Variants in PRELID2 observed in about 807,000 individuals in gnomAD.
PRELID2 encodes PRELI domain-containing protein 2.
A neutral mutation model predicts 28.4 loss-of-function variants in PRELID2; 25 were observed. The observed-to-expected ratio is 0.88, with a 90% CI of 0.64 to 1.23. The LOEUF is 1.23. Among genes scored for constraint, PRELID2 ranks in the 50% most tolerant of loss-of-function variants. The pLI, the probability that PRELID2 is intolerant of heterozygous loss-of-function variation, is 0.00. For synonymous variants in PRELID2, 76 were observed against 71.6 expected, an observed-to-expected ratio of 1.06 and a Z score of -0.31; for missense variants, 201 against 214.4, an observed-to-expected ratio of 0.94 and a Z score of 0.39.
chr5:145,497,927 A>G (rs1752322368), intron 1 of PRELID2, among the ~76,000 whole-genome samples: 1 of 152,188 alleles, frequency 6.6e-6, no homozygotes, highest in African/African-American at 2.4e-5. Context: ...CCTGTTTCTA[A>G]AAGTTTTGGC....
the PRELID2 span, among the ~76,000 whole-genome samples, chr5:145,411,888 C>A: frequency 3.9e-3 from 601 of 152,288 alleles, 7 homozygotes; most frequent in African/African-American, 0.014. Flanking sequence ...GGCTCAATAC[C>A]ACGTGGAAGC....
chr5:145,307,628 T>C, the PRELID2 span, among the ~76,000 whole-genome samples: 1 of 152,096 alleles, frequency 6.6e-6, no homozygotes, highest in African/African-American at 2.4e-5. Flanking sequence ...ATGTGGCATT[T>C]AGTCATTTGA....
At chr5:145,664,094 T>C (rs1044157346) in intron 1 of PRELID2, among the ~76,000 whole-genome samples, 1 of 152,096 alleles carries the variant, frequency 6.6e-6, no homozygotes, top group African/African-American at 2.4e-5. Flanking sequence ...ATTTGTAAAA[T>C]GAAGGAAATA....
At chr5:145,727,823 T>G (rs190194337) in intron 1 of PRELID2, among the ~76,000 whole-genome samples, 16 of 152,190 alleles carry the variant, frequency 1.1e-4, no homozygotes, top group African/African-American at 3.9e-4. Context: ...CAGTTTGATT[T>G]TTATCAAAGG....
At chr5:145,392,300 C>T in the PRELID2 span, among the ~76,000 whole-genome samples, 2 of 152,082 alleles carry the variant, frequency 1.3e-5, no homozygotes, top group African/African-American at 4.8e-5. Context: ...GTCTTCTTCA[C>T]AAGGCAGCAG....
the PRELID2 span, among the ~76,000 whole-genome samples, chr5:145,386,771 C>A: frequency 5.3e-5 from 8 of 152,168 alleles, no homozygotes; most frequent in African/African-American, 1.9e-4. Context: ...AGAATAAATT[C>A]TTAACACTTG....
intron 1 of PRELID2, among the ~76,000 whole-genome samples, chr5:145,643,692 T>C (rs1281605904): frequency 3.3e-5 from 5 of 152,172 alleles, no homozygotes; most frequent in African/African-American, 1.2e-4. Flanking sequence ...GTTCCATCAA[T>C]ACCTAGTTTT....
At chr5:145,691,433 T>A (rs1302408857) in intron 1 of PRELID2, among the ~76,000 whole-genome samples, 1 of 152,022 alleles carries the variant, frequency 6.6e-6, no homozygotes. Context: ...CGGCCGGGCG[T>A]GGTGGCTCAC....
chr5:145,818,146 A>G (rs2149861282), intron 3 of PRELID2, 92 bp from the exon 4 acceptor site: 1 of 1,321,726 alleles, frequency 7.6e-7, no homozygotes, highest in Non-Finnish European at 1.0e-6. Context: ...TTGGATAACC[A>G]AGAGGACAAG....
At chr5:145,791,778 T>C (rs1281029816) in intron 5 of PRELID2, among the ~76,000 whole-genome samples, 2 of 152,178 alleles carry the variant, frequency 1.3e-5, no homozygotes, top group Non-Finnish European at 2.9e-5. Context: ...TTTAATATTA[T>C]TTTTAATACA....
intron 4 of PRELID2, among the ~76,000 whole-genome samples, chr5:145,804,953 G>A (rs1420535282): frequency 2.0e-5 from 3 of 152,196 alleles, no homozygotes; most frequent in Non-Finnish European, 4.4e-5. Flanking sequence ...CCCAGTGGAG[G>A]AGGTAGACCC....
intron 1 of PRELID2, among the ~76,000 whole-genome samples, chr5:145,485,144 A>G (rs1005636387): frequency 1.3e-5 from 2 of 152,244 alleles, no homozygotes; most frequent in East Asian, 1.9e-4. Flanking sequence ...TAAAACTAAA[A>G]TATAACAGAA....
the PRELID2 span, among the ~76,000 whole-genome samples, chr5:145,377,497 C>T: frequency 6.6e-6 from 1 of 152,168 alleles, no homozygotes; most frequent in Non-Finnish European, 1.5e-5. Context: ...GTGTGCAAAT[C>T]TAAGTCTTTT....
At chr5:145,521,396 A>C (rs768846346) in intron 1 of PRELID2, among the ~76,000 whole-genome samples, 1 of 152,160 alleles carries the variant, frequency 6.6e-6, no homozygotes, top group Non-Finnish European at 1.5e-5. Context: ...GCTTGAATGA[A>C]GCTGATTGTA....
At chr5:145,467,772 T>A (rs149302854), downstream of PRELID2, among the ~76,000 whole-genome samples, 1,000 of 151,946 alleles carry the variant, frequency 6.6e-3, 6 homozygotes, top group Non-Finnish European at 0.011. Flanking sequence ...AGATTTTTTT[T>A]TTTTTGGCTT....
the PRELID2 span, among the ~76,000 whole-genome samples, chr5:145,318,044 TAC>T: frequency 6.6e-6 from 1 of 152,336 alleles, no homozygotes; most frequent in South Asian, 2.1e-4. Context: ...TATTCCACTT[TAC>T]AGATTAAGGG....
the PRELID2 span, among the ~76,000 whole-genome samples, chr5:145,355,399 G>T: frequency 6.6e-6 from 1 of 151,960 alleles, no homozygotes; most frequent in Non-Finnish European, 1.5e-5. Flanking sequence ...CCTTATATTT[G>T]CATGTATGTA....
chr5:145,497,698 T>C (rs1470784481), intron 1 of PRELID2, among the ~76,000 whole-genome samples: 4 of 152,170 alleles, frequency 2.6e-5, no homozygotes, highest in Non-Finnish European at 4.4e-5. Context: ...ATTTCCATGT[T>C]TCCAATCCCA....
chr5:145,789,612 A>G (rs1002691111), intron 5 of PRELID2, among the ~76,000 whole-genome samples: 1 of 152,236 alleles, frequency 6.6e-6, no homozygotes, highest in Non-Finnish European at 1.5e-5. Flanking sequence ...ATTTGGCCTC[A>G]AAAGCACAGG....
Sources: allele counts gnomAD v4.1 joint callset (sites outside exome capture counted in the v4.1 genomes callset), GRCh38; gene constraint gnomAD v4.1.1; transcripts MANE v1.5; gene names NCBI Gene and HGNC (gene_info 2026-07-23, HGNC 2026-07-21).